Variants in IL17D observed in about 807,000 individuals in gnomAD.
The protein encoded by IL17D is interleukin-17D.
IL17D carries 10 observed loss-of-function variants against 5.7 expected under a neutral mutation model. The ratio of observed to expected loss-of-function variants is 1.75; its 90% CI spans 1.08 to 2.97. IL17D has a LOEUF of 2.97. Among genes scored for constraint, IL17D ranks in the 30% most tolerant of loss-of-function variants. IL17D has a pLI of 0.00. For missense variants in IL17D, 354 were observed against 292.7 expected (o/e 1.21, Z -1.53); for synonymous variants, 172 against 141.7 (o/e 1.21, Z -1.52).
chr13:20,722,213 C>A lies in IL17D; in HGVS notation c.*259C>A. 2 of 481,436 alleles carry A rather than the reference C, an allele frequency of 4.2e-6. No homozygotes were observed. Among genetic ancestry groups the A allele is most frequent in the South Asian group, 6.6e-5 (2 of 30,452 alleles). The allele number at this position is 481,436 out of a possible 1,614,324, so 29.8% of individuals were successfully genotyped here. A position where few individuals can be genotyped will look rare whatever the true frequency, so the allele number is the denominator to read the frequency against. On this transcript the variant is annotated 3_prime_UTR_variant, in exon 2 of 2. Transcript: ENST00000682841. ...CCCGGCACGGGCATCCTGTGTGCGG[C>A]CCGCATGGAGGGTTTGGAAAAGTTC...
Position 20,716,441 on chromosome 13 carries a change from A to G in IL17D, c.291-5195A>G, listed in dbSNP as rs1395042512. On this transcript the variant is annotated intron_variant, in intron 1 of 1. Transcript: ENST00000682841. This position sits in a 1 kb window ranked among gnomAD's most constrained non-coding sequence, Gnocchi z 4.2. ...AATTTTCCAAGACCTTAGAGACTCAATGTATTGCCAGTGTCTTTTCTAAGC... is the reference window on the plus strand; with the variant it reads ...AATTTTCCAAGACCTTAGAGACTCAGTGTATTGCCAGTGTCTTTTCTAAGC... Among the ~76,000 whole-genome samples, 2 of 152,204 alleles carry G rather than the reference A, an allele frequency of 1.3e-5. No homozygotes were observed. The highest frequency in any genetic ancestry group is 4.8e-5 in the African/African-American group (2 of 41,452).
chr13:20,721,519 C>A, intron 1 of IL17D, 117 bp from the exon 2 acceptor site: 1 of 816,860 alleles, frequency 1.2e-6, no homozygotes, highest in Non-Finnish European at 1.8e-6. Flanking sequence ...CGCACGCGCC[C>A]GCAGGCGGAG....
Position 20,709,897 on chromosome 13 carries a change from G to A in IL17D, c.290+5606G>A, listed in dbSNP as rs73435247. On this transcript the variant is annotated intron_variant, in intron 1 of 1. Coordinates refer to ENST00000682841, the MANE Select transcript of IL17D (RefSeq NM_001385224.1). Reference sequence around the variant, plus strand: ...ACCGTTTGCTCTTAAAGGCTCTGGGGCTTCCTGAAGAGGCACTGCAGACAT... The same window carrying A: ...ACCGTTTGCTCTTAAAGGCTCTGGGACTTCCTGAAGAGGCACTGCAGACAT... Among the ~76,000 whole-genome samples, 482 of 152,290 alleles carry A rather than the reference G, an allele frequency of 3.2e-3. 1 individual carries two copies. The highest frequency in any genetic ancestry group is 0.011 in the African/African-American group (439 of 41,552).
At chr13:20,719,261 A>C (rs2058713071) in intron 1 of IL17D, among the ~76,000 whole-genome samples, 1 of 141,824 alleles carries the variant, frequency 7.1e-6, no homozygotes, top group South Asian at 2.3e-4. Flanking sequence ...AAACATGCCC[A>C]CACACACCCC....
intron 1 of IL17D, among the ~76,000 whole-genome samples, chr13:20,718,512 A>C (rs1273966806): frequency 3.7e-5 from 2 of 54,324 alleles, no homozygotes; most frequent in East Asian, 7.6e-4. Flanking sequence ...CCACACTCAG[A>C]CACACTTACC....
intron 1 of IL17D, among the ~76,000 whole-genome samples, chr13:20,711,003 G>A (rs773526979): frequency 2.6e-5 from 4 of 152,080 alleles, no homozygotes; most frequent in Non-Finnish European, 4.4e-5. Context: ...GGTGGCTCAC[G>A]CCTGTAATCC....
At chr13:20,717,753 G>A (rs571709350) in intron 1 of IL17D, among the ~76,000 whole-genome samples, 1 of 152,292 alleles carries the variant, frequency 6.6e-6, no homozygotes, top group South Asian at 2.1e-4. Context: ...ACGCAGCCAT[G>A]GGGGGAGGTG....
intron 1 of IL17D, among the ~76,000 whole-genome samples, chr13:20,714,343 G>A (rs2058662412): frequency 1.3e-5 from 2 of 152,188 alleles, no homozygotes; most frequent in Admixed American, 6.5e-5. Context: ...TGCCTGGCTG[G>A]CTGCTAAATA....
intron 1 of IL17D, among the ~76,000 whole-genome samples, chr13:20,719,730 T>C (rs1020029989): frequency 2.0e-5 from 3 of 152,184 alleles, no homozygotes; most frequent in African/African-American, 7.2e-5. Context: ...GCAGGCCTTC[T>C]TTAGGGGGTC....
At chr13:20,703,166 C>T, upstream of IL17D, 3 of 504,028 alleles carry the variant, frequency 6.0e-6, no homozygotes, top group Non-Finnish European at 7.7e-6. Flanking sequence ...GCCCTGAGCG[C>T]GCGACCCCAG....
chr13:20,721,204 G>A (rs1234048229), intron 1 of IL17D, among the ~76,000 whole-genome samples: 1 of 152,050 alleles, frequency 6.6e-6, no homozygotes, highest in Non-Finnish European at 1.5e-5. Flanking sequence ...CCTGCCCCAA[G>A]CCTGTCCTTG....
At chr13:20,718,783 C>G (rs1343363208) in intron 1 of IL17D, among the ~76,000 whole-genome samples, 3 of 148,122 alleles carry the variant, frequency 2.0e-5, no homozygotes, top group Non-Finnish European at 3.0e-5. Flanking sequence ...TGCTCACACA[C>G]CCACACACAC....
chr13:20,707,371 G>A (rs2058598723), intron 1 of IL17D, among the ~76,000 whole-genome samples: 1 of 149,914 alleles, frequency 6.7e-6, no homozygotes, highest in South Asian at 2.1e-4. Flanking sequence ...AGCCAGGGAG[G>A]CTGAGGCTGT....
intron 1 of IL17D, among the ~76,000 whole-genome samples, 187 bp from the exon 2 acceptor site, chr13:20,721,449 G>A (rs1186349801): frequency 6.6e-6 from 1 of 152,214 alleles, no homozygotes. Context: ...GGCTAGATGT[G>A]CCGTCATTTC....
chr13:20,721,720 C>T lies in IL17D; in HGVS notation c.375C>T (p.Gly125=), dbSNP rs1566522517. The change falls in exon 2 of 2, where the codon GGC becomes GGT. Residue 125 remains glycine (G), a synonymous_variant. Transcript: ENST00000682841. ...GGGGCTGCCTGACCGGGCTGTTCGG[C>T]GAGGAGGACGTGCGCTTCCGCAGCG... The part of the protein sequence containing the change: ...LCRGCLTGLF[G]EEDVRFRSAP... 5 of 1,611,308 alleles carry T rather than the reference C, an allele frequency of 3.1e-6. No individual in the cohort carries two copies. The highest frequency in any genetic ancestry group is 2.5e-6 in the Non-Finnish European group (3 of 1,179,442).
chr13:20,704,487 G>A (rs1418027219), intron 1 of IL17D, among the ~76,000 whole-genome samples, 196 bp downstream of exon 1: 1 of 129,708 alleles, frequency 7.7e-6, no homozygotes, highest in Admixed American at 7.7e-5. Flanking sequence ...GGGTGGTGCG[G>A]GGCGAGACAG....
upstream of IL17D, chr13:20,702,240 A>G (rs1272145841): frequency 6.6e-6 from 1 of 152,258 alleles, no homozygotes; most frequent in Non-Finnish European, 1.5e-5. Context: ...AAGAGCTGTA[A>G]ATTGCTTAAA....
intron 1 of IL17D, among the ~76,000 whole-genome samples, chr13:20,719,203 CACACCT>C (rs1299509642): frequency 6.7e-6 from 1 of 150,234 alleles, no homozygotes; most frequent in Non-Finnish European, 1.5e-5. Context: ...TGCCCACACC[CACACCT>C]GCCCACTCAC....
At chr13:20,706,272 G>A (rs1015804408) in intron 1 of IL17D, among the ~76,000 whole-genome samples, 8 of 152,226 alleles carry the variant, frequency 5.3e-5, no homozygotes, top group Non-Finnish European at 1.2e-4. Flanking sequence ...TCCAGGACCT[G>A]AAGGGATGGA....
Sources: allele counts gnomAD v4.1 joint callset (sites outside exome capture counted in the v4.1 genomes callset), GRCh38; gene constraint gnomAD v4.1.1; non-coding constraint Gnocchi (gnomAD v3.1); transcripts MANE v1.5; gene names NCBI Gene and HGNC (gene_info 2026-07-23, HGNC 2026-07-21).